Variants in LRP1B observed in about 807,000 individuals in gnomAD.
LRP1B encodes LDL receptor related protein 1B.
In LRP1B, 217 loss-of-function variants were observed where a neutral mutation model predicts 556.6. The ratio of observed to expected loss-of-function variants is 0.39; its 90% confidence interval spans 0.35 to 0.44. The LOEUF (loss-of-function observed/expected upper bound fraction) is 0.44, where lower values mean the gene tolerates loss of function less well. LRP1B is among the 20% of genes least tolerant of loss of function. The pLI, the probability that LRP1B is intolerant of heterozygous loss-of-function variation, is 1.00. For synonymous variants in LRP1B, 2,047 were observed against 1,865.8 expected (o/e 1.10, Z -2.50); for missense variants, 5,053 against 5,620.8 (o/e 0.90, Z 3.23).
chr2:141,360,953 C>T (rs899832274), intron 3 of LRP1B, among the ~76,000 whole-genome samples: 12 of 152,108 alleles, frequency 7.9e-5, no homozygotes, highest in Non-Finnish European at 8.8e-5. Flanking sequence ...TTTCACCTTG[C>T]CATTTTAGAA....
At chr2:142,028,738 T>C (rs1336686047) in intron 1 of LRP1B, among the ~76,000 whole-genome samples, 1 of 151,982 alleles carries the variant, frequency 6.6e-6, no homozygotes, top group African/African-American at 2.4e-5. Flanking sequence ...TAAGAAAGTG[T>C]CAACTATTTT....
chr2:141,926,081 T>A (rs1017853520), intron 1 of LRP1B, among the ~76,000 whole-genome samples: 1 of 152,340 alleles, frequency 6.6e-6, no homozygotes, highest in East Asian at 1.9e-4. Context: ...GTCATCTTGA[T>A]ATACAAAATA....
chr2:141,282,132 G>A (rs1227868888), intron 3 of LRP1B, among the ~76,000 whole-genome samples: 1 of 151,984 alleles, frequency 6.6e-6, no homozygotes, highest in African/African-American at 2.4e-5. Flanking sequence ...GGACCTCATT[G>A]CTTTCAAAGG....
chr2:140,546,581 AACTC>A (rs1422555402), intron 43 of LRP1B, among the ~76,000 whole-genome samples: 3 of 152,116 alleles, frequency 2.0e-5, no homozygotes, highest in South Asian at 2.1e-4. Flanking sequence ...TTCTTGTGAT[AACTC>A]ACTCACTATC....
intron 2 of LRP1B, among the ~76,000 whole-genome samples, chr2:141,600,150 A>G (rs1383075617): frequency 6.6e-6 from 1 of 152,140 alleles, no homozygotes; most frequent in East Asian, 1.9e-4. Context: ...ATAGTGATCA[A>G]TTCCCTTTCT....
At chr2:141,033,230 G>T (rs112084692) in intron 11 of LRP1B, among the ~76,000 whole-genome samples, 1 of 151,900 alleles carries the variant, frequency 6.6e-6, no homozygotes, top group Admixed American at 6.6e-5. Flanking sequence ...AGGTGGCTAG[G>T]CAGAGAGAGC....
intron 7 of LRP1B, among the ~76,000 whole-genome samples, chr2:141,124,668 A>AAAG (rs1486559522): frequency 3.4e-5 from 5 of 149,048 alleles, no homozygotes; most frequent in African/African-American, 1.3e-4. Flanking sequence ...ACAAATGAAA[A>AAAG]AAAAAAAAAA....
At chr2:141,070,585 C>A (rs1200856673) in intron 7 of LRP1B, among the ~76,000 whole-genome samples, 1 of 151,652 alleles carries the variant, frequency 6.6e-6, no homozygotes, top group Non-Finnish European at 1.5e-5. Flanking sequence ...TTGAAAGGAT[C>A]AACAAAATTG....
chr2:140,861,078 C>G (rs897707696), intron 27 of LRP1B, among the ~76,000 whole-genome samples: 7 of 151,986 alleles, frequency 4.6e-5, no homozygotes, highest in Non-Finnish European at 1.0e-4. Flanking sequence ...TTTTAAAGTG[C>G]TTAGTACTTG....
At chr2:140,266,253 A>G (rs367989938) in intron 86 of LRP1B, among the ~76,000 whole-genome samples, 1 of 151,988 alleles carries the variant, frequency 6.6e-6, no homozygotes, top group Admixed American at 6.6e-5. Context: ...TAGTGCTTCC[A>G]AAACATCTTT....
intron 2 of LRP1B, among the ~76,000 whole-genome samples, chr2:141,544,374 T>C (rs867816468): frequency 3.4e-5 from 4 of 117,292 alleles, no homozygotes; most frequent in South Asian, 6.8e-4. Context: ...CTTCTTCTTC[T>C]TCTTCTTCTC....
At chr2:141,141,614 T>C (rs1395874775) in intron 7 of LRP1B, among the ~76,000 whole-genome samples, 1 of 152,180 alleles carries the variant, frequency 6.6e-6, no homozygotes, top group South Asian at 2.1e-4. Context: ...TTAAATTTAA[T>C]TACCACATCC....
intron 43 of LRP1B, among the ~76,000 whole-genome samples, chr2:140,543,034 C>A (rs1054487979): frequency 1.3e-5 from 2 of 152,112 alleles, no homozygotes; most frequent in Non-Finnish European, 2.9e-5. Context: ...TCCGCAGGGT[C>A]TGCCTTAGCA....
At chr2:142,087,888 C>T (rs532970504) in intron 1 of LRP1B, among the ~76,000 whole-genome samples, 6 of 151,950 alleles carry the variant, frequency 3.9e-5, no homozygotes, top group Non-Finnish European at 8.8e-5. Flanking sequence ...CTTTTACAAA[C>T]GAAAGTAGTT....
chr2:140,743,892 A>C (rs941383944), intron 35 of LRP1B, among the ~76,000 whole-genome samples: 2 of 133,558 alleles, frequency 1.5e-5, no homozygotes, highest in African/African-American at 2.8e-5. Context: ...ACTTGAACCC[A>C]GGAGGGGGAT....
At chr2:140,252,193 A>AT (rs1037618080) in intron 86 of LRP1B, among the ~76,000 whole-genome samples, 15 of 148,522 alleles carry the variant, frequency 1.0e-4, no homozygotes, top group African/African-American at 3.2e-4. Context: ...TCCATCTGTT[A>AT]TTTTTTTGTA....
At chr2:140,527,807 A>G (rs1400652812) in intron 47 of LRP1B, among the ~76,000 whole-genome samples, 2 of 151,950 alleles carry the variant, frequency 1.3e-5, no homozygotes, top group African/African-American at 2.4e-5. Context: ...AATCATGTCA[A>G]TCATTTACCT....
At chr2:140,346,430 T>C (rs979778758) in intron 77 of LRP1B, among the ~76,000 whole-genome samples, 1 of 151,838 alleles carries the variant, frequency 6.6e-6, no homozygotes, top group African/African-American at 2.4e-5. Context: ...CTTACCTGAG[T>C]CAATATTATT....
chr2:141,194,577 A>T (rs1463624048), intron 6 of LRP1B, among the ~76,000 whole-genome samples: 1 of 152,134 alleles, frequency 6.6e-6, no homozygotes, highest in South Asian at 2.1e-4. Flanking sequence ...AATTTTTAAA[A>T]TTTACAAAGC....
Sources: allele counts gnomAD v4.1 joint callset (sites outside exome capture counted in the v4.1 genomes callset), GRCh38; gene constraint gnomAD v4.1.1; transcripts MANE v1.5; gene names NCBI Gene and HGNC (gene_info 2026-07-23, HGNC 2026-07-21).